Variants in CEP350 observed in about 807,000 individuals in gnomAD.
CEP350 encodes the protein centrosome-associated protein 350.
In CEP350, 126 loss-of-function variants were observed where a neutral mutation model predicts 331.8. The ratio of observed to expected loss-of-function variants is 0.38; its 90% CI spans 0.33 to 0.44. The LOEUF is 0.44. Ranked by LOEUF, CEP350 falls within the 20% of genes least tolerant of loss-of-function variation. The pLI, the probability that CEP350 is intolerant of heterozygous loss-of-function variation, is 1.00. For missense variants in CEP350, 3,406 were observed against 3,634.6 expected, an observed-to-expected ratio of 0.94 and a Z score of 1.62; for synonymous variants, 1,200 against 1,259.5, an observed-to-expected ratio of 0.95 and a Z score of 1.00.
intron 1 of CEP350, among the ~76,000 whole-genome samples, chr1:179,965,183 T>G (rs1317306321): frequency 6.6e-6 from 1 of 152,168 alleles, no homozygotes; most frequent in Admixed American, 6.5e-5. Context: ...GCAAGTTGTT[T>G]AGTTTCCATG....
chr1:180,062,730 C>T (rs754895301), intron 26 of CEP350, among the ~76,000 whole-genome samples: 1 of 152,136 alleles, frequency 6.6e-6, no homozygotes. Context: ...TCCCCTCTTT[C>T]TTCTCTTATT....
At chr1:180,073,530 T>C (rs1659028643) in intron 27 of CEP350, among the ~76,000 whole-genome samples, 1 of 152,160 alleles carries the variant, frequency 6.6e-6, no homozygotes, top group African/African-American at 2.4e-5. Context: ...AATAAGTAAA[T>C]TTAACTGAAA....
At chr1:179,997,905 A>C (rs1653576186) in intron 6 of CEP350, among the ~76,000 whole-genome samples, 1 of 152,114 alleles carries the variant, frequency 6.6e-6, no homozygotes, top group Non-Finnish European at 1.5e-5. Context: ...TTAACCTTCA[A>C]CTTTTAACGT....
chr1:179,998,196 CAG>C (rs1653600456), intron 6 of CEP350, among the ~76,000 whole-genome samples: 1 of 151,466 alleles, frequency 6.6e-6, no homozygotes, highest in Admixed American at 6.6e-5. Context: ...AAACTTCTGC[CAG>C]AGTAGCCTTT....
chr1:180,073,492 CA>C (rs1659026864), intron 27 of CEP350, among the ~76,000 whole-genome samples: 1 of 152,138 alleles, frequency 6.6e-6, no homozygotes, highest in Non-Finnish European at 1.5e-5. Context: ...TTTAGTCCCA[CA>C]ATGTACTTCT....
intron 37 of CEP350, among the ~76,000 whole-genome samples, chr1:180,101,260 C>CT (rs908644631): frequency 2.0e-5 from 3 of 151,748 alleles, no homozygotes; most frequent in African/African-American, 7.3e-5. Context: ...ACCTATATAA[C>CT]TTTTTGCATG....
chr1:180,111,307 A>ACCGAG lies in CEP350; in HGVS notation c.*146_*147insCCGAG. The ACCGAG allele has an allele frequency of 2.2e-6, 2 of 910,584 alleles. No individual in the cohort carries two copies. The highest frequency in any genetic ancestry group is 2.9e-5 in the Admixed American group (1 of 34,632). 56.4% of individuals were successfully genotyped at this position (910,584 alleles called of 1,614,324 possible). On this transcript the variant is annotated 3_prime_UTR_variant, in exon 38 of 38. Coordinates refer to ENST00000367607, the MANE Select transcript of CEP350 (RefSeq NM_014810.5). ...ACTACCAGTATGGAGTTCATAGGAC[A>ACCGAG]ATGTGGTACACCTGGTATTACAGCC...
intron 27 of CEP350, among the ~76,000 whole-genome samples, chr1:180,068,644 T>G (rs1658691862): frequency 6.6e-6 from 1 of 152,196 alleles, no homozygotes; most frequent in Non-Finnish European, 1.5e-5. Flanking sequence ...CTTTAAGTGT[T>G]TCATTACTTA....
chr1:179,959,850 C>A lies in CEP350; in HGVS notation c.-14+4708C>A, dbSNP rs376184274. ...ATTTGTTTTTCTCCTAGCTTTGTAG[C>A]CTTAAGTCTTATTTCTTACTTTACA... On this transcript the variant is annotated intron_variant, in intron 1 of 37. Coordinates refer to ENST00000367607, the MANE Select transcript of CEP350 (RefSeq NM_014810.5). Among the ~76,000 whole-genome samples the A allele has an allele frequency of 1.8e-4, 28 of 152,190 alleles. No individual in the cohort carries two copies. The East Asian group carries it at 5.0e-3, about 27-fold the overall frequency.
intron 25 of CEP350, among the ~76,000 whole-genome samples, chr1:180,057,510 T>C (rs556355676): frequency 1.3e-5 from 2 of 151,568 alleles, no homozygotes; most frequent in Admixed American, 1.3e-4. Context: ...TACTATTGTC[T>C]GTTTTCTTTT....
At chr1:180,109,123 CTT>C (rs34359732) in intron 37 of CEP350, among the ~76,000 whole-genome samples, 49 of 140,314 alleles carry the variant, frequency 3.5e-4, no homozygotes, top group African/African-American at 9.7e-4. Context: ...TTCACTTTCT[CTT>C]TTTTTTTTTT....
At position 180,084,328 on chromosome 1, in the gene CEP350, T is replaced by C. The variant is rs1020214046; in HGVS notation, c.6285+150T>C. ...TATTCTCTTAAAAAAAATCTGAGGG[T>C]ATCCAAGGACATTCTTGCTTAAAAC... On this transcript the variant is annotated intron_variant, in intron 31 of 37. Transcript: ENST00000367607. 4 of 596,190 alleles carry C rather than the reference T, an allele frequency of 6.7e-6. No homozygotes were observed. In the African/African-American group the frequency reaches 7.7e-5, roughly 11 times the overall value. The allele number at this position is 596,190 out of a possible 1,614,324, so 36.9% of individuals were successfully genotyped here. A position where few individuals can be genotyped will look rare whatever the true frequency, so the allele number is the denominator to read the frequency against.
intron 1 of CEP350, among the ~76,000 whole-genome samples, chr1:179,970,190 A>T (rs528150899): frequency 6.6e-6 from 1 of 152,162 alleles, no homozygotes; most frequent in Non-Finnish European, 1.5e-5. Flanking sequence ...TTTTATCCTT[A>T]CTCTACTTCC....
chr1:180,002,442 C>G (rs1653927070), intron 6 of CEP350, among the ~76,000 whole-genome samples: 1 of 151,788 alleles, frequency 6.6e-6, no homozygotes, highest in African/African-American at 2.4e-5. Context: ...CCATTGCACT[C>G]CAGCCTGGGT....
intron 1 of CEP350, among the ~76,000 whole-genome samples, chr1:179,964,945 T>C (rs1441973809): frequency 6.6e-6 from 1 of 152,012 alleles, no homozygotes; most frequent in Non-Finnish European, 1.5e-5. Flanking sequence ...TTCTGCTAGC[T>C]TTGGGTTTAG....
chr1:179,990,575 T>A lies in CEP350; in HGVS notation c.189T>A (p.Asp63Glu). The change falls in exon 4 of 38, where the codon GAT (aspartate) becomes GAA (glutamate). Residue 63 changes from aspartate to glutamate, a missense_variant. Coordinates refer to ENST00000367607, the MANE Select transcript of CEP350 (RefSeq NM_014810.5). ...CAGCTGTGTGTGATTCTGTCATGGA[T>A]ACCAAGAAGTCTTCTACAAGTGCTA... ...TSTAVCDSVM[D>E]TKKSSTSATR... The A allele has an allele frequency of 6.2e-7, 1 of 1,605,914 alleles. No homozygotes were observed. Among genetic ancestry groups the A allele is most frequent in the Non-Finnish European group, 8.5e-7 (1 of 1,175,548 alleles).
rs138752544 is a variant in CEP350 at position 180,088,993 on chromosome 1, G to A, written c.6425+1276G>A. 8.1e-3 allele frequency among the ~76,000 whole-genome samples: 1,230 copies of A among 152,198 alleles called. 11 individuals carry two copies. Among genetic ancestry groups the A allele is most frequent in the Non-Finnish European group, 0.014 (968 of 67,998 alleles). On this transcript the variant is annotated intron_variant, in intron 32 of 37. Transcript: ENST00000367607. Reference sequence around the variant, plus strand: ...CCAGGATTTTTTATGCTCAGATTTTGTGTGTGTGTTTTTGTTACATATGTA... The same window carrying A: ...CCAGGATTTTTTATGCTCAGATTTTATGTGTGTGTTTTTGTTACATATGTA...
chr1:179,990,683 C>A, intron 4 of CEP350, 62 bp downstream of exon 4: 2 of 893,294 alleles, frequency 2.2e-6, no homozygotes, highest in Non-Finnish European at 3.4e-6. Flanking sequence ...ACAAAACAGA[C>A]AGCTAGATCT....
intron 3 of CEP350, 115 bp downstream of exon 3, chr1:179,987,401 G>A: frequency 3.5e-6 from 1 of 282,392 alleles, no homozygotes; most frequent in Non-Finnish European, 6.5e-6. Flanking sequence ...TATTACTATA[G>A]AATAATACTA....
Sources: allele counts gnomAD v4.1 joint callset (sites outside exome capture counted in the v4.1 genomes callset), GRCh38; gene constraint gnomAD v4.1.1; transcripts MANE v1.5; gene names NCBI Gene and HGNC (gene_info 2026-07-23, HGNC 2026-07-21).